ZNF430: variants seen among roughly 807,000 people sequenced by gnomAD.
ZNF430 encodes zinc finger protein 430.
In ZNF430, 35 loss-of-function variants were observed where a neutral mutation model predicts 56.7. That is an observed-to-expected ratio of 0.62 (90% CI 0.47 to 0.82). ZNF430 has a LOEUF of 0.82. ZNF430 is among the 40% of genes least tolerant of loss of function. ZNF430 has a pLI of 0.00. For synonymous variants in ZNF430, 212 were observed against 224.3 expected (o/e 0.94, Z 0.49); for missense variants, 574 against 661.0 (o/e 0.87, Z 1.44).
At chr19:21,021,430 T>G (rs1430254099) in intron 1 of ZNF430, among the ~76,000 whole-genome samples, 1 of 151,018 alleles carries the variant, frequency 6.6e-6, no homozygotes, top group Non-Finnish European at 1.5e-5. Context: ...ACCTGGGAGG[T>G]GGAGATTGCA....
intron 4 of ZNF430, among the ~76,000 whole-genome samples, chr19:21,044,832 T>C (rs1968161046): frequency 6.6e-6 from 1 of 152,222 alleles, no homozygotes; most frequent in Non-Finnish European, 1.5e-5. Flanking sequence ...TCCAGTAATT[T>C]ATCTACTTCT....
chr19:21,047,433 C>T (rs1332180082), intron 4 of ZNF430, among the ~76,000 whole-genome samples: 1 of 152,120 alleles, frequency 6.6e-6, no homozygotes, highest in Admixed American at 6.6e-5. Context: ...TTTAAGTTTT[C>T]AGCATTTTTT....
chr19:21,038,584 C>T (rs369912978), intron 4 of ZNF430, among the ~76,000 whole-genome samples: 1 of 152,150 alleles, frequency 6.6e-6, no homozygotes, highest in Non-Finnish European at 1.5e-5. Flanking sequence ...TGCACTACCA[C>T]GCCTGGCTAA....
In ZNF430 at chr19:21,058,533, TTAAACA is replaced by T. The variant is rs1968420605; in HGVS notation, c.*517_*522del. The stretch of plus-strand genomic sequence containing the variant: ...GTGCTTTTGACAACACCTAAAACTT[TTAAACA>T]TAAAAAATCATACTGGTGAGAAATC... On this transcript the variant is annotated 3_prime_UTR_variant, in exon 5 of 5. Coordinates refer to ENST00000261560, the MANE Select transcript of ZNF430 (RefSeq NM_025189.4). The T allele has an allele frequency of 6.1e-6, 1 of 162,984 alleles. No homozygotes were observed. The highest frequency in any genetic ancestry group is 2.4e-5 in the African/African-American group (1 of 41,454). The allele number at this position is 162,984 out of a possible 1,614,324, so 10.1% of individuals were successfully genotyped here.
intron 2 of ZNF430, chr19:21,025,848 A>G: frequency 4.0e-6 from 1 of 247,982 alleles, no homozygotes; most frequent in Non-Finnish European, 7.5e-6. Context: ...GAACTGGGAA[A>G]CCTCCTACTT....
chr19:21,034,405 A>G (rs1470020), intron 4 of ZNF430: 393,160 of 393,302 alleles, frequency 1, 196,509 homozygotes, highest in Middle Eastern at 1. Flanking sequence ...CAAGTTTGCT[A>G]TCAGAACCAA....
At chr19:21,046,699 G>A (rs1299906895) in intron 4 of ZNF430, among the ~76,000 whole-genome samples, 1 of 152,118 alleles carries the variant, frequency 6.6e-6, no homozygotes, top group East Asian at 1.9e-4. Context: ...CTGCTTAAAG[G>A]TCTGTTGTCA....
intron 4 of ZNF430, among the ~76,000 whole-genome samples, chr19:21,048,844 G>A (rs986901535): frequency 3.3e-5 from 5 of 152,002 alleles, no homozygotes; most frequent in Admixed American, 2.0e-4. Context: ...CGGGGTGGCT[G>A]GCCGGGCAGG....
chr19:21,054,141 T>A (rs1311150856), intron 4 of ZNF430, among the ~76,000 whole-genome samples: 1 of 152,168 alleles, frequency 6.6e-6, no homozygotes, highest in Non-Finnish European at 1.5e-5. Flanking sequence ...CTTTTAACTT[T>A]CAAATTTTAG....
intron 4 of ZNF430, chr19:21,034,644 T>G (rs1439408691): frequency 1.3e-5 from 2 of 152,728 alleles, no homozygotes; most frequent in Non-Finnish European, 2.9e-5. Context: ...TTCAAGCAAT[T>G]CTCCTGCCTC....
chr19:21,029,800 A>G (rs1358841026), intron 2 of ZNF430, among the ~76,000 whole-genome samples: 1 of 152,190 alleles, frequency 6.6e-6, no homozygotes, highest in Non-Finnish European at 1.5e-5. Context: ...CCCCGTCTCT[A>G]CTAAAAATAC....
At chr19:21,051,419 T>G (rs1267658784) in intron 4 of ZNF430, among the ~76,000 whole-genome samples, 1 of 147,848 alleles carries the variant, frequency 6.8e-6, no homozygotes, top group Non-Finnish European at 1.5e-5. Flanking sequence ...GTAGCAATGC[T>G]GCAATAATTA....
chr19:21,040,519 A>G (rs1423758051), intron 4 of ZNF430, among the ~76,000 whole-genome samples: 4 of 152,132 alleles, frequency 2.6e-5, no homozygotes, highest in South Asian at 2.1e-4. Flanking sequence ...TCTGCCTTCC[A>G]CTAAGATTAT....
intron 4 of ZNF430, among the ~76,000 whole-genome samples, chr19:21,049,979 C>T (rs909352050): frequency 4.2e-3 from 9 of 2,128 alleles, no homozygotes; most frequent in South Asian, 0.02. Context: ...GGCTGGAGTG[C>T]GGTGGCTCGA....
chr19:21,033,034 G>A (rs1967930919), intron 2 of ZNF430, among the ~76,000 whole-genome samples: 1 of 152,040 alleles, frequency 6.6e-6, no homozygotes, highest in South Asian at 2.1e-4. Flanking sequence ...CAGAGTTAGA[G>A]AAAACATTAG....
intron 4 of ZNF430, among the ~76,000 whole-genome samples, chr19:21,045,282 C>T (rs1374050834): frequency 6.6e-6 from 1 of 152,118 alleles, no homozygotes; most frequent in Non-Finnish European, 1.5e-5. Flanking sequence ...TCTCTTTGTT[C>T]TCATTGGTTT....
In ZNF430 at chr19:21,058,445, A is replaced by G; in HGVS notation, c.*424A>G. The G allele has an allele frequency of 6.5e-6, 1 of 153,582 alleles. No individual in the cohort carries two copies. The highest frequency in any genetic ancestry group is 1.9e-4 in the East Asian group (1 of 5,248). 9.5% of individuals were successfully genotyped at this position (153,582 alleles called of 1,614,324 possible). On this transcript the variant is annotated 3_prime_UTR_variant, in exon 5 of 5. Coordinates refer to ENST00000261560, the MANE Select transcript of ZNF430 (RefSeq NM_025189.4). Reference sequence around the variant, plus strand: ...GGCAACAAGAGTGGCACTCCATCTCAGAAAAAAAAAAAAAAGATAATTCAT... The same window carrying G: ...GGCAACAAGAGTGGCACTCCATCTCGGAAAAAAAAAAAAAAGATAATTCAT...
chr19:21,050,913 A>C (rs1968272642), intron 4 of ZNF430, among the ~76,000 whole-genome samples: 1 of 152,092 alleles, frequency 6.6e-6, no homozygotes, highest in African/African-American at 2.4e-5. Flanking sequence ...CTGTAGTCCT[A>C]GCTACTCGGG....
chr19:21,049,891 A>G (rs528345529), intron 4 of ZNF430, among the ~76,000 whole-genome samples: 175 of 149,138 alleles, frequency 1.2e-3, no homozygotes, highest in Non-Finnish European at 5.9e-4. Context: ...GTTTTCTTTA[A>G]TTTACCTCTG....
Sources: allele counts gnomAD v4.1 joint callset (sites outside exome capture counted in the v4.1 genomes callset), GRCh38; gene constraint gnomAD v4.1.1; transcripts MANE v1.5; gene names NCBI Gene and HGNC (gene_info 2026-07-23, HGNC 2026-07-21).